EIF3A: variants seen among roughly 807,000 people sequenced by gnomAD.
EIF3A encodes the protein eukaryotic translation initiation factor 3 subunit A, also known as EIF3, p180 subunit.
EIF3A carries 21 observed loss-of-function variants against 186.6 expected under a neutral mutation model. The ratio of observed to expected loss-of-function variants is 0.11; its 90% CI spans 0.08 to 0.16. EIF3A has a LOEUF of 0.16. EIF3A is among the 10% of genes least tolerant of loss of function. The pLI is 1.00. For missense variants in EIF3A, 1,306 were observed against 1,796.3 expected (o/e 0.73, Z 4.93); for synonymous variants, 563 against 584.3 (o/e 0.96, Z 0.52).
At chr10:119,050,373 C>T (rs1474939011) in intron 16 of EIF3A, 148 bp downstream of exon 16, 25 of 750,890 alleles carry the variant, frequency 3.3e-5, no homozygotes, top group Non-Finnish European at 5.3e-5. Flanking sequence ...ACTTCACATA[C>T]AGCAAACTGG....
Position 119,059,337 on chromosome 10 carries a change from G to C in EIF3A, c.1504C>G (p.Arg502Gly), listed in dbSNP as rs1265946910. Residue 502 changes from arginine to glycine, a missense_variant, in exon 11 of 22, where the codon CGA (arginine) becomes GGA (glycine). By Grantham distance (125) the Arg-to-Gly change is moderately radical (BLOSUM62 -2). This residue lies in a region of EIF3A where 267 missense variants were observed against 367.8 expected (regional missense o/e 0.73). Transcript: ENST00000369144. ...TGAGGACCAATCGGAGCATCTTCTC[G>C]AGTAGCATAATTCAAATCAGATCCA... ...SFGSDLNYAT[R>G]EDAPIGPHLQ... 3 of 1,612,666 alleles carry C rather than the reference G, an allele frequency of 1.9e-6. No homozygotes were observed. Among genetic ancestry groups the C allele is most frequent in the Middle Eastern group, 1.7e-4 (1 of 6,052 alleles).
intron 19 of EIF3A, among the ~76,000 whole-genome samples, chr10:119,040,069 A>G (rs1454044275): frequency 6.6e-6 from 1 of 152,364 alleles, no homozygotes; most frequent in Admixed American, 6.5e-5. Flanking sequence ...ACAGCCGAAC[A>G]GCAGAATGAA....
At chr10:119,044,758 G>A (rs540466512) in intron 17 of EIF3A, among the ~76,000 whole-genome samples, 8 of 152,120 alleles carry the variant, frequency 5.3e-5, no homozygotes, top group East Asian at 3.9e-4. Flanking sequence ...TGAGGCAGGA[G>A]AATCGCTTGA....
In EIF3A at chr10:119,036,161, G is replaced by A. The variant is rs763416725; in HGVS notation, c.4027C>T (p.Arg1343Ter). Residue 1343 changes from arginine to a stop codon, truncating the protein, a stop_gained, in exon 22 of 22, where the codon CGA (arginine) becomes TGA (stop). Coordinates refer to ENST00000369144, the MANE Select transcript of EIF3A (RefSeq NM_003750.4). LOFTEE classifies it high-confidence loss of function. ...TTTTCACCTTCTCTTTCTCGGTCTC[G>A]GTCTCTTTCTCGGTCTCTTGAAAGA... ...PALSRDRERD[R>*]DREREGEKEK... is the part of the protein sequence containing the mutation. 1 of 1,612,662 alleles carries A rather than the reference G, an allele frequency of 6.2e-7. No individual in the cohort carries two copies. The highest frequency in any genetic ancestry group is 1.6e-4 in the Middle Eastern group (1 of 6,062).
intron 5 of EIF3A, among the ~76,000 whole-genome samples, chr10:119,069,923 C>G (rs934463878): frequency 1.3e-5 from 2 of 151,970 alleles, no homozygotes; most frequent in Non-Finnish European, 2.9e-5. Flanking sequence ...CCCATCACTT[C>G]GGGCAATATA....
At chr10:119,064,423 G>A (rs1843938498) in intron 7 of EIF3A, among the ~76,000 whole-genome samples, 1 of 152,008 alleles carries the variant, frequency 6.6e-6, no homozygotes, top group African/African-American at 2.4e-5. Flanking sequence ...ACTAAATCAT[G>A]GGGGCAATTT....
chr10:119,056,984 C>T lies in EIF3A; in HGVS notation c.2034G>A (p.Glu678=). The T allele has an allele frequency of 6.2e-7, 1 of 1,613,216 alleles. No individual in the cohort carries two copies. The highest frequency in any genetic ancestry group is 8.5e-7 in the Non-Finnish European group (1 of 1,179,728). The change falls in exon 13 of 22, where the codon GAG becomes GAA. Residue 678 remains glutamate, a synonymous_variant. Coordinates refer to ENST00000369144, the MANE Select transcript of EIF3A (RefSeq NM_003750.4). ...GTTCTTGAAGTTCTTTCTTTTCTTT[C>T]TCCAGTTGTTCAACCTGTTTAGCCA... ...FIMAKQVEQL[E]KEKKELQERL...
At chr10:119,080,552 T>C (rs1844248490) in intron 1 of EIF3A, 76 bp downstream of exon 1, 2 of 1,502,918 alleles carry the variant, frequency 1.3e-6, no homozygotes. Flanking sequence ...GGCGGAGCAG[T>C]GGGAAGCAGG....
At position 119,038,421 on chromosome 10, in the gene EIF3A, T is replaced by C; in HGVS notation, c.3545A>G (p.Glu1182Gly). 4 of 1,613,550 alleles carry C rather than the reference T, an allele frequency of 2.5e-6. No homozygotes were observed. The highest frequency in any genetic ancestry group is 3.4e-6 in the Non-Finnish European group (4 of 1,179,894). ...LVKPGGWREK[E>G]KAREESWGPP... Reference sequence around the variant, plus strand: ...ACCCCAGCTCTCCTCTCTGGCTTTTTCTTTCTCTCTCCATCCACCTGTTTT... The same window carrying C: ...ACCCCAGCTCTCCTCTCTGGCTTTTCCTTTCTCTCTCCATCCACCTGTTTT... The change falls in exon 20 of 22, where the codon GAA becomes GGA. Residue 1182 changes from glutamate to glycine, a missense_variant. Coordinates refer to ENST00000369144, the MANE Select transcript of EIF3A (RefSeq NM_003750.4).
chr10:119,073,999 T>G (rs1844117973), intron 1 of EIF3A, 62 bp from the exon 2 acceptor site: 5 of 1,341,196 alleles, frequency 3.7e-6, no homozygotes, highest in Non-Finnish European at 4.9e-6. Context: ...AAACTTTACC[T>G]TTTTAAACAG....
At chr10:119,061,404 T>C (rs1243361671) in intron 7 of EIF3A, 76 bp from the exon 8 acceptor site, 2 of 627,264 alleles carry the variant, frequency 3.2e-6, no homozygotes, top group East Asian at 2.9e-5. Flanking sequence ...GTATAAATGA[T>C]AGCATTGGAA....
intron 17 of EIF3A, 137 bp downstream of exon 17, chr10:119,049,664 A>G (rs1356056721): frequency 1.1e-5 from 8 of 702,598 alleles, no homozygotes; most frequent in Non-Finnish European, 1.9e-5. Flanking sequence ...AGACACGAGA[A>G]TCACTTGAAC....
At chr10:119,054,659 G>A (rs1370323444) in intron 14 of EIF3A, among the ~76,000 whole-genome samples, 19 of 151,564 alleles carry the variant, frequency 1.3e-4, no homozygotes, top group African/African-American at 2.7e-4. Context: ...ACTGGGAGGC[G>A]GAGGCTGCAG....
In EIF3A at chr10:119,034,974, AAACTC is replaced by A. The variant is rs1287837717; in HGVS notation, c.*1060_*1064del. ...GCACTGATAAAAATTCAAGTAAAAA[AAACTC>A]AACTGAATATGCAAACTTACCATTA... On this transcript the variant is annotated 3_prime_UTR_variant, in exon 22 of 22. Transcript: ENST00000369144. 6 of 152,786 alleles carry A rather than the reference AAACTC, an allele frequency of 3.9e-5. No individual in the cohort carries two copies. Among genetic ancestry groups the A allele is most frequent in the African/African-American group, 1.4e-4 (6 of 41,588 alleles). 9.5% of individuals were successfully genotyped at this position (152,786 alleles called of 1,614,324 possible).
Position 119,034,654 on chromosome 10 carries a change from C to G in EIF3A, c.*1385G>C, listed in dbSNP as rs1848103031. 1 of 152,218 alleles carries G rather than the reference C, an allele frequency of 6.6e-6. No individual in the cohort carries two copies. Among genetic ancestry groups the G allele is most frequent in the South Asian group, 2.1e-4 (1 of 4,834 alleles). The allele number at this position is 152,218 out of a possible 1,614,324, so 9.4% of individuals were successfully genotyped here. A position where few individuals can be genotyped will look rare whatever the true frequency, so the allele number is the denominator to read the frequency against. ...AATACTCCCTCTTCTGGCCCTACAGCTGTACCAATAGGAATTCTCACCACT... is the reference window on the plus strand; with the variant it reads ...AATACTCCCTCTTCTGGCCCTACAGGTGTACCAATAGGAATTCTCACCACT... On this transcript the variant is annotated 3_prime_UTR_variant, in exon 22 of 22. Coordinates refer to ENST00000369144, the MANE Select transcript of EIF3A (RefSeq NM_003750.4).
At chr10:119,045,948 CAA>C (rs929386980) in intron 17 of EIF3A, among the ~76,000 whole-genome samples, 13 of 152,138 alleles carry the variant, frequency 8.5e-5, no homozygotes, top group African/African-American at 2.7e-4. Context: ...TACAAACAAA[CAA>C]AGAGATGAAG....
chr10:119,075,666 A>ATATT (rs1166969733), intron 1 of EIF3A, among the ~76,000 whole-genome samples: 1 of 137,354 alleles, frequency 7.3e-6, no homozygotes, highest in Non-Finnish European at 1.6e-5. Flanking sequence ...ATATATATAT[A>ATATT]TCTCCTTTTT....
chr10:119,063,079 G>T (rs1843916812), intron 7 of EIF3A, among the ~76,000 whole-genome samples: 1 of 152,042 alleles, frequency 6.6e-6, no homozygotes, highest in South Asian at 2.1e-4. Context: ...AAGGTGACGT[G>T]GATTATCCTT....
chr10:119,050,760 ACT>A lies in EIF3A; in HGVS notation c.2320-88_2320-87del, dbSNP rs1848345947. On this transcript the variant is annotated intron_variant, in intron 15 of 21. Coordinates refer to ENST00000369144, the MANE Select transcript of EIF3A (RefSeq NM_003750.4). ...CAGAAAGCTATTAGGTTTACAAAAG[ACT>A]CTCAAGTGTATCAGAATCATCGAAA... 6.3e-6 allele frequency: 9 copies of A among 1,428,210 alleles called. No individual in the cohort carries two copies. The East Asian group carries it at 2.1e-4, about 33-fold the overall frequency. 88.5% of individuals were successfully genotyped at this position (1,428,210 alleles called of 1,614,324 possible). A position where few individuals can be genotyped will look rare whatever the true frequency, so the allele number is the denominator to read the frequency against.
Sources: gnomAD v4.1 joint callset for allele counts (sites outside exome capture counted in the v4.1 genomes callset) on GRCh38, gnomAD v4.1.1 for gene constraint, gnomAD v4.1.1 regional missense constraint, MANE v1.5 for transcripts, NCBI Gene and HGNC (gene_info 2026-07-23, HGNC 2026-07-21) for gene names.